Variants in MAP4 observed in about 807,000 individuals in gnomAD.
MAP4 encodes the protein microtubule associated protein 4.
In MAP4, 76 loss-of-function variants were observed where a neutral mutation model predicts 170.2. The observed-to-expected ratio is 0.45, with a 90% CI of 0.37 to 0.54. The LOEUF is 0.54. MAP4 is among the 20% of genes least tolerant of loss of function. MAP4 has a pLI of 0.00. For missense variants in MAP4, 2,506 were observed against 2,748.0 expected (o/e 0.91, Z 1.97); for synonymous variants, 909 against 994.5 (o/e 0.91, Z 1.62).
intron 1 of MAP4, among the ~76,000 whole-genome samples, chr3:48,063,498 AT>A (rs2100136957): frequency 6.6e-6 from 1 of 152,146 alleles, no homozygotes; most frequent in Non-Finnish European, 1.5e-5. Flanking sequence ...GCACTCCTTG[AT>A]ATTTACCCAA....
At chr3:48,069,829 A>G (rs2100140116) in intron 1 of MAP4, among the ~76,000 whole-genome samples, 1 of 152,210 alleles carries the variant, frequency 6.6e-6, no homozygotes, top group African/African-American at 2.4e-5. Context: ...ATATCAGAGA[A>G]CCTCATTATC....
chr3:47,967,497 C>T (rs1216132405), intron 3 of MAP4, among the ~76,000 whole-genome samples: 4 of 151,872 alleles, frequency 2.6e-5, no homozygotes, highest in African/African-American at 9.7e-5. Flanking sequence ...ACTGAAAATA[C>T]AAAAATTAGC....
intron 1 of MAP4, among the ~76,000 whole-genome samples, chr3:48,074,672 CTAA>C (rs1355501352): frequency 1.6e-4 from 5 of 30,482 alleles, no homozygotes; most frequent in Non-Finnish European, 2.9e-4. Flanking sequence ...CCACATCCAG[CTAA>C]TTGTGTGTGT....
intron 17 of MAP4, among the ~76,000 whole-genome samples, chr3:47,863,001 A>G (rs2070666908): frequency 6.9e-6 from 1 of 144,914 alleles, no homozygotes; most frequent in Admixed American, 7.0e-5. Flanking sequence ...TTTGAGACGG[A>G]GTTTCGCTCT....
chr3:48,014,451 A>G (rs1294240633), intron 1 of MAP4, among the ~76,000 whole-genome samples: 1 of 152,170 alleles, frequency 6.6e-6, no homozygotes, highest in South Asian at 2.1e-4. Flanking sequence ...ACTCATGAAA[A>G]GCTAGAACAG....
intron 1 of MAP4, among the ~76,000 whole-genome samples, chr3:48,082,464 C>A (rs2100147084): frequency 6.6e-6 from 1 of 152,146 alleles, no homozygotes; most frequent in Non-Finnish European, 1.5e-5. Context: ...AATTAAAAAG[C>A]AGAACAACAG....
intron 10 of MAP4, among the ~76,000 whole-genome samples, chr3:47,889,768 G>A (rs2098252097): frequency 6.6e-6 from 1 of 152,188 alleles, no homozygotes; most frequent in Non-Finnish European, 1.5e-5. Context: ...TGTCCAGGAA[G>A]AGCTTACAGT....
At chr3:47,978,036 T>C (rs1038464978) in intron 2 of MAP4, 103 bp from the exon 3 acceptor site, 5 of 768,468 alleles carry the variant, frequency 6.5e-6, no homozygotes, top group Non-Finnish European at 9.3e-6. Context: ...TTTGTAGCAT[T>C]AGGTTAAAGC....
chr3:47,916,427 G>A lies in MAP4; in HGVS notation c.1400C>T (p.Pro467Leu). 2.5e-6 allele frequency: 4 copies of A among 1,614,186 alleles called. No homozygotes were observed. Among genetic ancestry groups the A allele is most frequent in the Non-Finnish European group, 3.4e-6 (4 of 1,180,044 alleles). ...NVILTKDKALPLEAEVAPVKD... is the reference protein window; with the variant it reads ...NVILTKDKALLLEAEVAPVKD... ...GACTGGGGCCACCTCTGCTTCTAAA[G>A]GTAGTGCTTTATCCTTGGTCAAGAT... Residue 467 changes from proline (P) to leucine (L), a missense_variant, in exon 7 of 21, where the codon CCT becomes CTT. Coordinates refer to ENST00000683076, the MANE Select transcript of MAP4 (RefSeq NM_001385682.1).
At chr3:47,890,523 C>A (rs1577137291) in intron 10 of MAP4, among the ~76,000 whole-genome samples, 1 of 152,168 alleles carries the variant, frequency 6.6e-6, no homozygotes, top group East Asian at 1.9e-4. Context: ...AGAGCTTCCA[C>A]CCAGATTGTG....
At chr3:47,923,414 T>G (rs2100044103) in intron 4 of MAP4, among the ~76,000 whole-genome samples, 1 of 151,070 alleles carries the variant, frequency 6.6e-6, no homozygotes, top group Non-Finnish European at 1.5e-5. Flanking sequence ...TTGTTGAGGC[T>G]TCTTCTTCAG....
At chr3:47,990,658 C>T (rs2100091604) in intron 2 of MAP4, among the ~76,000 whole-genome samples, 1 of 152,106 alleles carries the variant, frequency 6.6e-6, no homozygotes, top group Non-Finnish European at 1.5e-5. Flanking sequence ...CAATACTGTG[C>T]TAGATGATCA....
intron 3 of MAP4, among the ~76,000 whole-genome samples, chr3:47,967,205 A>T (rs2100075626): frequency 6.6e-6 from 1 of 152,062 alleles, no homozygotes; most frequent in Non-Finnish European, 1.5e-5. Flanking sequence ...GCGTGGTGGC[A>T]CATGCCTGTA....
Position 47,870,882 on chromosome 3 carries a change from A to T in MAP4, c.6225T>A (p.Pro2075=). Reference sequence around the variant, plus strand: ...CCTTGGAGCGGACATTCTTCAGATCAGGAGCAGAAGTATTGGTGGCCAGGC... The same window carrying T: ...CCTTGGAGCGGACATTCTTCAGATCTGGAGCAGAAGTATTGGTGGCCAGGC... ...LSRLATNTSA[P]DLKNVRSKVG... The change falls in exon 15 of 21, where the codon CCT becomes CCA. Residue 2075 remains proline (P), a synonymous_variant. Coordinates refer to ENST00000683076, the MANE Select transcript of MAP4 (RefSeq NM_001385682.1). The T allele has an allele frequency of 6.2e-7, 1 of 1,612,720 alleles. No homozygotes were observed. The highest frequency in any genetic ancestry group is 8.5e-7 in the Non-Finnish European group (1 of 1,179,228).
intron 10 of MAP4, among the ~76,000 whole-genome samples, chr3:47,887,347 C>T (rs1228913657): frequency 6.6e-6 from 1 of 152,232 alleles, no homozygotes; most frequent in Non-Finnish European, 1.5e-5. Context: ...ACTTAGCACC[C>T]GGGCCAGTGG....
intron 18 of MAP4, among the ~76,000 whole-genome samples, chr3:47,856,070 C>T (rs770303308): frequency 9.9e-5 from 15 of 152,200 alleles, no homozygotes; most frequent in Non-Finnish European, 2.2e-4. Flanking sequence ...GGGTTCAGAG[C>T]TCACTGGCCA....
intron 17 of MAP4, among the ~76,000 whole-genome samples, chr3:47,859,219 C>T (rs965480777): frequency 2.0e-5 from 3 of 152,190 alleles, no homozygotes; most frequent in Non-Finnish European, 2.9e-5. Flanking sequence ...TGAGCGGCCC[C>T]GCTGTCCTCT....
intron 1 of MAP4, among the ~76,000 whole-genome samples, chr3:48,078,406 C>A (rs1463415184): frequency 4.6e-5 from 7 of 151,644 alleles, no homozygotes; most frequent in African/African-American, 1.7e-4. Flanking sequence ...ATCCTCCCAC[C>A]TCAGCCTCCC....
chr3:48,049,851 T>C (rs1401947026), intron 1 of MAP4, among the ~76,000 whole-genome samples: 1 of 150,076 alleles, frequency 6.7e-6, no homozygotes, highest in African/African-American at 2.5e-5. Flanking sequence ...GGTAGTAGAA[T>C]TGCTTGAACC....
Sources: gnomAD v4.1 joint callset for allele counts (sites outside exome capture counted in the v4.1 genomes callset) on GRCh38, gnomAD v4.1.1 for gene constraint, MANE v1.5 for transcripts, NCBI Gene and HGNC (gene_info 2026-07-23, HGNC 2026-07-21) for gene names.